PUM2: variants seen among roughly 807,000 people sequenced by gnomAD.
PUM2 encodes pumilio homolog 2.
PUM2 carries 57 observed loss-of-function variants against 124.5 expected under a neutral mutation model. The ratio of observed to expected loss-of-function variants is 0.46; its 90% confidence interval spans 0.37 to 0.57. PUM2 has a LOEUF of 0.57. Ranked by LOEUF, PUM2 falls within the 20% of genes least tolerant of loss-of-function variation. The probability of loss-of-function intolerance (pLI) is 0.00; values close to 1 mark genes in which losing one functional copy is unlikely to be tolerated. For missense variants in PUM2, 1,065 were observed against 1,290.6 expected (o/e 0.83, Z 2.68); for synonymous variants, 460 against 446.1 (o/e 1.03, Z -0.39).
chr2:20,314,478 AT>A (rs2148652062), intron 3 of PUM2, among the ~76,000 whole-genome samples: 1 of 152,222 alleles, frequency 6.6e-6, no homozygotes, highest in East Asian at 1.9e-4. Flanking sequence ...ATAGTAATAC[AT>A]TTGAGGCAAC....
intron 15 of PUM2, among the ~76,000 whole-genome samples, chr2:20,258,769 G>A (rs1014697329): frequency 5.5e-5 from 8 of 146,316 alleles, no homozygotes; most frequent in Admixed American, 2.9e-4. Context: ...CCGGGTTCAC[G>A]CCATTCTCCT....
At chr2:20,256,700 A>T (rs1175024245) in intron 16 of PUM2, among the ~76,000 whole-genome samples, 2 of 152,156 alleles carry the variant, frequency 1.3e-5, no homozygotes, top group Non-Finnish European at 1.5e-5. Flanking sequence ...TAATTCCCTA[A>T]GGGAAGAATT....
chr2:20,308,652 GAAAAATCAT>G, intron 5 of PUM2, 68 bp from the exon 6 acceptor site: 3 of 1,407,238 alleles, frequency 2.1e-6, no homozygotes, highest in Non-Finnish European at 2.9e-6. Flanking sequence ...TGGGAAAATA[GAAAAATCAT>G]GAAAAACAAA....
At chr2:20,343,199 C>T (rs1340410022) in intron 1 of PUM2, among the ~76,000 whole-genome samples, 2 of 151,992 alleles carry the variant, frequency 1.3e-5, no homozygotes, top group African/African-American at 4.8e-5. Context: ...GTTTGGAAGA[C>T]GGCAGACTAT....
chr2:20,271,611 A>G (rs1269372287), intron 13 of PUM2, among the ~76,000 whole-genome samples: 2 of 152,130 alleles, frequency 1.3e-5, no homozygotes, highest in African/African-American at 4.8e-5. Flanking sequence ...ACTGTACATG[A>G]TCAGTTTTAA....
intron 1 of PUM2, among the ~76,000 whole-genome samples, chr2:20,336,797 T>G (rs1055556775): frequency 9.9e-5 from 11 of 111,174 alleles, no homozygotes; most frequent in African/African-American, 3.8e-4. Flanking sequence ...TGTGTGTGTG[T>G]GTGTGGTACA....
intron 7 of PUM2, among the ~76,000 whole-genome samples, chr2:20,299,544 T>C (rs1336496339): frequency 1.3e-5 from 2 of 152,022 alleles, no homozygotes; most frequent in Non-Finnish European, 2.9e-5. Context: ...AGCACATGCC[T>C]GTAATCCCAG....
intron 1 of PUM2, among the ~76,000 whole-genome samples, chr2:20,328,500 A>C (rs762546444): frequency 1.5e-4 from 23 of 152,320 alleles, no homozygotes; most frequent in Middle Eastern, 6.8e-3. Flanking sequence ...GTCAATTAAT[A>C]ACCACTCCAA....
chr2:20,261,067 G>A (rs1397609410), intron 14 of PUM2, among the ~76,000 whole-genome samples: 1 of 152,104 alleles, frequency 6.6e-6, no homozygotes, highest in Non-Finnish European at 1.5e-5. Flanking sequence ...TGTTCATGAT[G>A]ACATAAACCT....
intron 2 of PUM2, chr2:20,326,237 T>C: frequency 7.7e-7 from 1 of 1,296,698 alleles, no homozygotes; most frequent in Non-Finnish European, 1.0e-6. Flanking sequence ...TTGGCAATAC[T>C]TAAGCTTAAG....
chr2:20,336,214 G>C (rs977826940), intron 1 of PUM2, among the ~76,000 whole-genome samples: 1 of 151,194 alleles, frequency 6.6e-6, no homozygotes, highest in Non-Finnish European at 1.5e-5. Flanking sequence ...TTTGAGGCAG[G>C]GTCTCACTAT....
intron 20 of PUM2, 113 bp from the exon 21 acceptor site, chr2:20,251,829 T>G (rs1663428249): frequency 7.6e-7 from 1 of 1,314,350 alleles, no homozygotes; most frequent in Admixed American, 2.4e-5. Context: ...TAAAAAAAAT[T>G]TAAATCCAAA....
chr2:20,266,449 A>C (rs548738692), intron 13 of PUM2, among the ~76,000 whole-genome samples: 1 of 151,724 alleles, frequency 6.6e-6, no homozygotes, highest in African/African-American at 2.4e-5. Flanking sequence ...TGTCTCAAAA[A>C]CGAAACAAAA....
At chr2:20,311,108 G>A (rs1679494415) in intron 5 of PUM2, among the ~76,000 whole-genome samples, 1 of 151,600 alleles carries the variant, frequency 6.6e-6, no homozygotes, top group Admixed American at 6.6e-5. Flanking sequence ...ATACTCAGAA[G>A]GAAGAAAACT....
rs748372949 is a variant in PUM2 at position 20,278,833 on chromosome 2, A to T, written c.1721-14T>A. 1.4e-5 allele frequency: 23 copies of T among 1,590,390 alleles called. No homozygotes were observed. Among genetic ancestry groups the T allele is most frequent in the East Asian group, 4.5e-5 (2 of 44,694 alleles). On this transcript the variant is annotated splice_polypyrimidine_tract_variant and intron_variant, in intron 12 of 20. Coordinates refer to ENST00000361078, the MANE Select transcript of PUM2 (RefSeq NM_015317.5). ...CAGAACTGCCAACTGAAGAAGAAATAAAAAAAACCCTAATTACATACAGTG... is the reference window on the plus strand; with the variant it reads ...CAGAACTGCCAACTGAAGAAGAAATTAAAAAAACCCTAATTACATACAGTG...
intron 14 of PUM2, 102 bp downstream of exon 14, chr2:20,263,091 G>T (rs3796066): frequency 8.7e-7 from 1 of 1,154,692 alleles, no homozygotes; most frequent in Admixed American, 2.5e-5. Context: ...GCTCTTAAAA[G>T]CTTCCAACTT....
chr2:20,254,118 G>C, intron 19 of PUM2, 104 bp from the exon 20 acceptor site: 6 of 942,408 alleles, frequency 6.4e-6, no homozygotes, highest in Non-Finnish European at 7.8e-6. Context: ...TAAAACAGAA[G>C]TCAGGATGGG....
chr2:20,334,377 T>C (rs866471299), intron 1 of PUM2, among the ~76,000 whole-genome samples: 19 of 152,286 alleles, frequency 1.2e-4, no homozygotes, highest in Middle Eastern at 3.4e-3. Context: ...TCTTACCATA[T>C]GCCTACATTA....
Position 20,297,623 on chromosome 2 carries a change from A to G in PUM2, c.939T>C (p.Ile313=). The change falls in exon 8 of 21, where the codon ATT becomes ATC. Residue 313 remains isoleucine (I), a synonymous_variant. Transcript: ENST00000361078. ...APAAFVPNPY[I]ISAAPPGTDP... ...CGGTCCCTGGAGGAGCAGCACTAAT[A>G]ATGTATGGATTTGGCACAAATGCAG... The G allele has an allele frequency of 6.2e-7, 1 of 1,613,222 alleles. No individual in the cohort carries two copies. Among genetic ancestry groups the G allele is most frequent in the East Asian group, 2.2e-5 (1 of 44,872 alleles).
Sources: allele counts gnomAD v4.1 joint callset (sites outside exome capture counted in the v4.1 genomes callset), GRCh38; gene constraint gnomAD v4.1.1; transcripts MANE v1.5; gene names NCBI Gene and HGNC (gene_info 2026-07-23, HGNC 2026-07-21).